SLX4IP: variants seen among roughly 807,000 people sequenced by gnomAD.
SLX4IP encodes protein SLX4IP.
SLX4IP carries 34 observed loss-of-function variants against 32.9 expected under a neutral mutation model. The ratio of observed to expected loss-of-function variants is 1.03; its 90% CI spans 0.79 to 1.38. The LOEUF is 1.38. Among genes scored for constraint, SLX4IP ranks in the 40% most tolerant of loss-of-function variants. SLX4IP has a pLI of 0.00. For missense variants in SLX4IP, 444 were observed against 479.0 expected (o/e 0.93, Z 0.68); for synonymous variants, 172 against 171.7 (o/e 1.00, Z -0.01).
intron 2 of SLX4IP, among the ~76,000 whole-genome samples, chr20:10,472,077 C>A (rs1488740448): frequency 6.6e-6 from 1 of 152,140 alleles, no homozygotes; most frequent in African/African-American, 2.4e-5. Context: ...GAGCAGCGTA[C>A]CTCCAGAGGA....
chr20:10,539,997 A>C (rs1324415853), intron 2 of SLX4IP, among the ~76,000 whole-genome samples: 3 of 152,156 alleles, frequency 2.0e-5, no homozygotes, highest in Non-Finnish European at 4.4e-5. Context: ...GCACATTCTC[A>C]GCCTCACCCC....
In SLX4IP at chr20:10,512,619, GTAT is replaced by G. The variant is rs921628002; in HGVS notation, c.28-43608_28-43606del. ...ATTATATATATATAAAATATATATA[GTAT>G]TATATATTATATATAGTATATATAG... On this transcript the variant is annotated intron_variant, in intron 2 of 7. Transcript: ENST00000334534. Among the ~76,000 whole-genome samples, 568 of 138,344 alleles carry G rather than the reference GTAT, an allele frequency of 4.1e-3. 4 individuals are homozygous for G. The highest frequency in any genetic ancestry group is 0.014 in the African/African-American group (525 of 37,022). The allele number at this position is 138,344 out of a possible 152,430, so 90.8% of individuals were successfully genotyped here.
chr20:10,499,226 G>A (rs1425897601), intron 2 of SLX4IP, among the ~76,000 whole-genome samples: 2 of 152,070 alleles, frequency 1.3e-5, no homozygotes, highest in African/African-American at 4.8e-5. Context: ...TTAAATGACA[G>A]ACACTTGTCT....
chr20:10,512,234 TTGGCTTA>T (rs2065813568), intron 2 of SLX4IP, among the ~76,000 whole-genome samples: 1 of 152,222 alleles, frequency 6.6e-6, no homozygotes, highest in Admixed American at 6.5e-5. Context: ...GGTTTTGACC[TTGGCTTA>T]TAATTTTCAC....
In SLX4IP at chr20:10,486,915, A is replaced by T. The variant is rs146485703; in HGVS notation, c.27+28684A>T. 6.8e-5 allele frequency among the ~76,000 whole-genome samples: 9 copies of T among 133,084 alleles called. No homozygotes were observed. The East Asian group carries it at 1.9e-3, about 29-fold the overall frequency. The allele number at this position is 133,084 out of a possible 152,430, so 87.3% of individuals were successfully genotyped here. A position where few individuals can be genotyped will look rare whatever the true frequency, so the allele number is the denominator to read the frequency against. Reference sequence around the variant, plus strand: ...AGTAATGCCTGAATCTCTACATTCAAACTTGCTCTGTTTTTTTTTTTGAAT... The same window carrying T: ...AGTAATGCCTGAATCTCTACATTCATACTTGCTCTGTTTTTTTTTTTGAAT... On this transcript the variant is annotated intron_variant, in intron 2 of 7. Transcript: ENST00000334534.
intron 4 of SLX4IP, among the ~76,000 whole-genome samples, chr20:10,589,094 GA>G (rs1436902687): frequency 6.6e-6 from 1 of 152,160 alleles, no homozygotes; most frequent in Non-Finnish European, 1.5e-5. Flanking sequence ...TAAAGGTGGG[GA>G]AAAAAGATTT....
At chr20:10,450,302 T>G (rs2065231383) in intron 1 of SLX4IP, among the ~76,000 whole-genome samples, 1 of 152,234 alleles carries the variant, frequency 6.6e-6, no homozygotes, top group African/African-American at 2.4e-5. Flanking sequence ...TTTAGGGACT[T>G]CCTTAATTCT....
At chr20:10,557,755 T>C (rs1467993092) in intron 3 of SLX4IP, among the ~76,000 whole-genome samples, 1 of 152,232 alleles carries the variant, frequency 6.6e-6, no homozygotes, top group Non-Finnish European at 1.5e-5. Flanking sequence ...TGCCCAAGAT[T>C]CAGTTAATTT....
At chr20:10,470,152 A>G (rs225138) in intron 2 of SLX4IP, among the ~76,000 whole-genome samples, 74,899 of 152,072 alleles carry the variant, frequency 0.49, 19,940 homozygotes, top group Non-Finnish European at 0.6. Flanking sequence ...GGGCCAGTCG[A>G]GTCTGGAAAG....
chr20:10,521,805 T>A (rs590169), intron 2 of SLX4IP, among the ~76,000 whole-genome samples: 87,262 of 152,054 alleles, frequency 0.57, 25,658 homozygotes, highest in South Asian at 0.72. Flanking sequence ...GTGCTTGGCT[T>A]TTTGGCTTTC....
chr20:10,603,368 C>A (rs764633465), intron 6 of SLX4IP, among the ~76,000 whole-genome samples: 7 of 152,234 alleles, frequency 4.6e-5, no homozygotes, highest in African/African-American at 9.6e-5. Context: ...TCTATACCGG[C>A]TGTCATATAA....
chr20:10,481,079 C>T (rs2065516610), intron 2 of SLX4IP, among the ~76,000 whole-genome samples: 1 of 34,882 alleles, frequency 2.9e-5, no homozygotes, highest in Non-Finnish European at 5.1e-5. Flanking sequence ...AATATTCTTA[C>T]AACTTTTTTT....
chr20:10,529,647 T>C (rs943600023), intron 2 of SLX4IP, among the ~76,000 whole-genome samples: 5 of 151,916 alleles, frequency 3.3e-5, no homozygotes, highest in African/African-American at 9.7e-5. Flanking sequence ...TCTTCTTCTT[T>C]TTTTTTAAAT....
intron 4 of SLX4IP, among the ~76,000 whole-genome samples, chr20:10,571,034 T>A (rs570796931): frequency 2.0e-5 from 3 of 152,150 alleles, no homozygotes; most frequent in South Asian, 2.1e-4. Context: ...AGTCTCACGA[T>A]GTTGGCCAGA....
intron 4 of SLX4IP, among the ~76,000 whole-genome samples, chr20:10,598,194 T>A (rs1420374509): frequency 6.6e-6 from 1 of 152,228 alleles, no homozygotes; most frequent in African/African-American, 2.4e-5. Flanking sequence ...TCAGGCCTCC[T>A]GGAAGAGGCA....
At chr20:10,480,500 G>A (rs1461878227) in intron 2 of SLX4IP, among the ~76,000 whole-genome samples, 3 of 152,068 alleles carry the variant, frequency 2.0e-5, no homozygotes, top group Admixed American at 6.6e-5. Flanking sequence ...ATGTACAGAT[G>A]GAATGATTAC....
rs774237140 is a variant in SLX4IP at position 10,622,733 on chromosome 20, G to T, written c.581G>T (p.Ser194Ile). The T allele has an allele frequency of 2.5e-6, 4 of 1,614,112 alleles. No individual in the cohort carries two copies. The East Asian group carries it at 8.9e-5, about 36-fold the overall frequency. Residue 194 changes from serine to isoleucine, a missense_variant, in exon 8 of 8, where the codon AGT (serine) becomes ATT (isoleucine). Ser to Ile is a moderately radical substitution (Grantham distance 142). Transcript: ENST00000334534. ...AGAAGAGACACTGTGGAAACATCTA[G>T]TGACTCAGTGATTGCAGAGATAGCA... ...QTRRDTVETS[S>I]DSVIAEIARR...
intron 2 of SLX4IP, among the ~76,000 whole-genome samples, chr20:10,473,993 T>C (rs1374304140): frequency 6.6e-6 from 1 of 152,100 alleles, no homozygotes; most frequent in Non-Finnish European, 1.5e-5. Flanking sequence ...TGGCTAATTT[T>C]TGTATTTTTA....
intron 2 of SLX4IP, among the ~76,000 whole-genome samples, chr20:10,520,122 C>G (rs2122447539): frequency 6.6e-6 from 1 of 152,188 alleles, no homozygotes; most frequent in East Asian, 1.9e-4. Flanking sequence ...TGCATCTCAG[C>G]TCACTGCTAC....
Sources: gnomAD v4.1 joint callset for allele counts (sites outside exome capture counted in the v4.1 genomes callset) on GRCh38, gnomAD v4.1.1 for gene constraint, MANE v1.5 for transcripts, NCBI Gene and HGNC (gene_info 2026-07-23, HGNC 2026-07-21) for gene names.